The following AASS variants were observed in gnomAD, a reference collection of about 807,000 sequenced individuals.
AASS encodes the protein aminoadipate-semialdehyde synthase, also known as alpha-aminoadipic semialdehyde synthase, mitochondrial.
Under a neutral mutation model 105.4 loss-of-function variants are expected in AASS, and 86 were observed. That is an observed-to-expected ratio of 0.82 (90% CI 0.69 to 0.98). The LOEUF (loss-of-function observed/expected upper bound fraction) is 0.98. AASS is among the 50% of genes least tolerant of loss of function. The pLI is 0.00. For missense variants in AASS, 1,048 were observed against 1,143.2 expected, an observed-to-expected ratio of 0.92 and a Z score of 1.20; for synonymous variants, 381 against 394.8, an observed-to-expected ratio of 0.96 and a Z score of 0.41.
intron 22 of AASS, among the ~76,000 whole-genome samples, chr7:122,078,323 A>T (rs1793130584): frequency 6.6e-6 from 1 of 152,154 alleles, no homozygotes. Flanking sequence ...CATTAAAAAA[A>T]AAAAGTAATG....
chr7:122,110,113 A>T (rs1334062273), intron 11 of AASS, among the ~76,000 whole-genome samples: 1 of 152,034 alleles, frequency 6.6e-6, no homozygotes, highest in African/African-American at 2.4e-5. Context: ...CTCTCAATAA[A>T]GTAAAATAAA....
At position 122,093,054 on chromosome 7, in the gene AASS, T is replaced by A. The variant is rs1048301188; in HGVS notation, c.1760A>T (p.Glu587Val). The A allele has an allele frequency of 5.6e-6, 9 of 1,613,762 alleles. No homozygotes were observed. The highest frequency in any genetic ancestry group is 7.6e-6 in the Non-Finnish European group (9 of 1,179,668). ...TAAAATGATTAAAACTTACCTCTTTTCCAATTCTTTTAGTGCTGGTGTGAT... is the reference window on the plus strand; with the variant it reads ...TAAAATGATTAAAACTTACCTCTTTACCAATTCTTTTAGTGCTGGTGTGAT... ...SYITPALKELEKSVEDAGITI... is the reference protein window; with the variant it reads ...SYITPALKELVKSVEDAGITI... The change falls in exon 16 of 24, where the codon GAA (glutamate) becomes GTA (valine). Residue 587 changes from glutamate to valine, a missense_variant. Transcript: ENST00000417368.
intron 4 of AASS, among the ~76,000 whole-genome samples, chr7:122,120,086 A>G (rs1433228498): frequency 1.3e-5 from 2 of 152,228 alleles, no homozygotes; most frequent in Non-Finnish European, 2.9e-5. Flanking sequence ...TTTTGTGTGT[A>G]TCAGTATAGT....
chr7:122,142,543 C>A (rs1344122660), intron 1 of AASS, among the ~76,000 whole-genome samples: 1 of 152,084 alleles, frequency 6.6e-6, no homozygotes, highest in African/African-American at 2.4e-5. Context: ...TGTATTTCAT[C>A]AAATTTAAGA....
intron 21 of AASS, 179 bp from the exon 22 acceptor site, chr7:122,079,129 A>T: frequency 6.7e-7 from 1 of 1,499,712 alleles, no homozygotes; most frequent in Non-Finnish European, 8.9e-7. Flanking sequence ...TTTAACCTTC[A>T]GAATCTTCTC....
intron 15 of AASS, among the ~76,000 whole-genome samples, chr7:122,095,280 G>C (rs982047442): frequency 6.6e-6 from 1 of 152,094 alleles, no homozygotes; most frequent in Non-Finnish European, 1.5e-5. Flanking sequence ...GCTCAACTTT[G>C]ATTCGGTTTT....
At chr7:122,093,022 G>C in intron 16 of AASS, 26 bp downstream of exon 16, 1 of 1,610,442 alleles carries the variant, frequency 6.2e-7, no homozygotes, top group Non-Finnish European at 8.5e-7. Flanking sequence ...GATCCACTCA[G>C]TTTGTTTAAA....
intron 1 of AASS, among the ~76,000 whole-genome samples, chr7:122,138,757 C>A (rs942532994): frequency 1.3e-5 from 2 of 151,952 alleles, no homozygotes; most frequent in Admixed American, 1.3e-4. Flanking sequence ...AAAGAACATG[C>A]TTGAATGTTC....
intron 8 of AASS, 69 bp from the exon 9 acceptor site, chr7:122,115,291 G>A: frequency 6.5e-7 from 1 of 1,532,716 alleles, no homozygotes; most frequent in African/African-American, 1.4e-5. Flanking sequence ...CTGAAAGAAA[G>A]CTATCAGTAA....
intron 18 of AASS, among the ~76,000 whole-genome samples, 199 bp from the exon 19 acceptor site, chr7:122,086,378 A>G (rs1296514855): frequency 6.6e-6 from 1 of 152,124 alleles, no homozygotes; most frequent in African/African-American, 2.4e-5. Flanking sequence ...TCAAGCTTTA[A>G]AATTTGACTT....
chr7:122,120,270 A>G (rs1396467456), intron 4 of AASS, among the ~76,000 whole-genome samples: 1 of 152,138 alleles, frequency 6.6e-6, no homozygotes, highest in Non-Finnish European at 1.5e-5. Flanking sequence ...CTTGATACTT[A>G]AGTTTTCAAT....
intron 4 of AASS, among the ~76,000 whole-genome samples, chr7:122,120,257 T>C (rs111464474): frequency 1.5e-4 from 23 of 152,304 alleles, no homozygotes; most frequent in Non-Finnish European, 2.8e-4. Flanking sequence ...ATTTAGTTTG[T>C]ACCTTGATAC....
chr7:122,084,257 C>A (rs1290877632), intron 19 of AASS, among the ~76,000 whole-genome samples: 2 of 152,070 alleles, frequency 1.3e-5, no homozygotes, highest in African/African-American at 4.8e-5. Flanking sequence ...AGGACATTAT[C>A]ACTGATGTCT....
chr7:122,134,443 T>C (rs1796054303), intron 1 of AASS, among the ~76,000 whole-genome samples: 1 of 152,190 alleles, frequency 6.6e-6, no homozygotes, highest in Non-Finnish European at 1.5e-5. Flanking sequence ...CATTGCTTAC[T>C]GCAGTCTGGG....
chr7:122,113,630 C>G lies in AASS; in HGVS notation c.1134G>C (p.Met378Ile), dbSNP rs1365192989. The G allele has an allele frequency of 6.2e-7, 1 of 1,613,518 alleles. No individual in the cohort carries two copies. The highest frequency in any genetic ancestry group is 1.7e-5 in the Admixed American group (1 of 59,974). Residue 378 changes from methionine (M) to isoleucine (I), a missense_variant, in exon 10 of 24, where the codon ATG (methionine) becomes ATC (isoleucine). Coordinates refer to ENST00000417368, the MANE Select transcript of AASS (RefSeq NM_005763.4). Reference protein sequence around the residue: ...ECTTIEHPFCMYDADQHIIHD... With the variant: ...ECTTIEHPFCIYDADQHIIHD... The stretch of plus-strand genomic sequence containing the variant: ...GAATAATATGCTGGTCTGCATCATA[C>G]ATGCAAAAGGGATGCTCTATTGTTG...
intron 21 of AASS, 113 bp from the exon 22 acceptor site, chr7:122,079,063 T>C: frequency 6.3e-7 from 1 of 1,591,404 alleles, no homozygotes; most frequent in South Asian, 1.1e-5. Flanking sequence ...TACAAGGTGG[T>C]AACTCAAGTT....
At chr7:122,086,896 C>T (rs973577424) in intron 18 of AASS, among the ~76,000 whole-genome samples, 3 of 152,132 alleles carry the variant, frequency 2.0e-5, no homozygotes, top group South Asian at 2.1e-4. Context: ...TACCCCTACC[C>T]CCATCACACA....
rs1796006990 is a variant in AASS, at chr7:122,133,575, G to A, written c.152C>T (p.Thr51Ile). ...TATCAAGACCTTGTATCCCAGATTGGTGATGCCTTTGATGTGCTTGGGAGC... is the reference window on the plus strand; with the variant it reads ...TATCAAGACCTTGTATCCCAGATTGATGATGCCTTTGATGTGCTTGGGAGC... ...PLAPKHIKGI[T>I]NLGYKVLIQP... Residue 51 changes from threonine (T) to isoleucine (I), a missense_variant, in exon 2 of 24, where the codon ACC becomes ATC. Transcript: ENST00000417368. The A allele has an allele frequency of 1.2e-6, 2 of 1,614,160 alleles. No homozygotes were observed. The highest frequency in any genetic ancestry group is 1.7e-6 in the Non-Finnish European group (2 of 1,180,030).
chr7:122,124,292 T>C (rs545090043), intron 4 of AASS, among the ~76,000 whole-genome samples: 2 of 152,274 alleles, frequency 1.3e-5, no homozygotes, highest in East Asian at 3.9e-4. Flanking sequence ...GTTTGTTTGT[T>C]TGTTTTTTGA....
Sources: gnomAD v4.1 joint callset for allele counts (sites outside exome capture counted in the v4.1 genomes callset) on GRCh38, gnomAD v4.1.1 for gene constraint, MANE v1.5 for transcripts, NCBI Gene and HGNC (gene_info 2026-07-23, HGNC 2026-07-21) for gene names.